The following ST6GALNAC3 variants were observed in gnomAD, a reference collection of about 807,000 sequenced individuals.
ST6GALNAC3 encodes the protein alpha-N-acetylgalactosaminide alpha-2,6-sialyltransferase 3.
ST6GALNAC3 carries 25 observed loss-of-function variants against 32.7 expected under a neutral mutation model. That is an observed-to-expected ratio of 0.76 (90% confidence interval 0.56 to 1.07). ST6GALNAC3 has a LOEUF of 1.07. Among genes scored for constraint, ST6GALNAC3 ranks in the 50% least tolerant of loss-of-function variants. ST6GALNAC3 has a pLI of 0.00. For synonymous variants in ST6GALNAC3, 129 were observed against 133.1 expected, an observed-to-expected ratio of 0.97 and a Z score of 0.21; for missense variants, 355 against 382.4, an observed-to-expected ratio of 0.93 and a Z score of 0.60.
intron 1 of ST6GALNAC3, among the ~76,000 whole-genome samples, chr1:76,138,644 T>C (rs1260127797): frequency 6.6e-6 from 1 of 152,238 alleles, no homozygotes; most frequent in East Asian, 1.9e-4. Context: ...AGTATTTGTA[T>C]ACTTTTTCTC....
At chr1:76,347,471 C>T (rs1648614844) in intron 2 of ST6GALNAC3, among the ~76,000 whole-genome samples, 1 of 151,556 alleles carries the variant, frequency 6.6e-6, no homozygotes, top group Non-Finnish European at 1.5e-5. Flanking sequence ...TTGATACATC[C>T]CCCTATGTAT....
intron 1 of ST6GALNAC3, among the ~76,000 whole-genome samples, chr1:76,235,355 C>A (rs3011991): frequency 0.38 from 57,845 of 151,438 alleles, 13,133 homozygotes; most frequent in African/African-American, 0.64. Context: ...AAAATTAAAA[C>A]TATTAGCCAC....
chr1:76,489,370 A>G (rs1164055148), intron 3 of ST6GALNAC3, among the ~76,000 whole-genome samples: 1 of 152,080 alleles, frequency 6.6e-6, no homozygotes, highest in Non-Finnish European at 1.5e-5. Flanking sequence ...GCACTAGGGT[A>G]TATTATTATG....
At chr1:76,566,504 C>T (rs2100462560) in intron 3 of ST6GALNAC3, among the ~76,000 whole-genome samples, 1 of 152,248 alleles carries the variant, frequency 6.6e-6, no homozygotes, top group South Asian at 2.1e-4. Flanking sequence ...TCTGCTCCAA[C>T]CACACTGCCT....
At chr1:76,161,322 C>G (rs1480245279) in intron 1 of ST6GALNAC3, among the ~76,000 whole-genome samples, 2 of 152,240 alleles carry the variant, frequency 1.3e-5, no homozygotes, top group African/African-American at 4.8e-5. Context: ...AGTGTCTGGA[C>G]TAACAGACTT....
intron 2 of ST6GALNAC3, among the ~76,000 whole-genome samples, chr1:76,314,961 G>T (rs941763254): frequency 1.3e-5 from 2 of 152,066 alleles, no homozygotes; most frequent in African/African-American, 4.8e-5. Flanking sequence ...AGGATGCTAA[G>T]CTTGGTCTAC....
At chr1:76,329,704 T>C (rs1348317591) in intron 2 of ST6GALNAC3, among the ~76,000 whole-genome samples, 5 of 152,206 alleles carry the variant, frequency 3.3e-5, no homozygotes, top group African/African-American at 9.6e-5. Flanking sequence ...GATCATTCTT[T>C]AGGTTTTACA....
At chr1:76,585,080 A>G (rs1348970282) in intron 3 of ST6GALNAC3, among the ~76,000 whole-genome samples, 2 of 152,172 alleles carry the variant, frequency 1.3e-5, no homozygotes, top group African/African-American at 4.8e-5. Flanking sequence ...ACCTAAGCTG[A>G]CTAAAAAATT....
chr1:76,575,199 A>T (rs1197864073), intron 3 of ST6GALNAC3, among the ~76,000 whole-genome samples: 1 of 152,120 alleles, frequency 6.6e-6, no homozygotes, highest in East Asian at 1.9e-4. Flanking sequence ...CAATGAAAAG[A>T]TAATCATTCT....
intron 2 of ST6GALNAC3, among the ~76,000 whole-genome samples, chr1:76,380,218 T>C (rs188026089): frequency 6.6e-6 from 1 of 152,144 alleles, no homozygotes; most frequent in Admixed American, 6.5e-5. Context: ...AGTAAAAGGG[T>C]ACTTAACCTC....
At chr1:76,234,441 A>G (rs1444302908) in intron 1 of ST6GALNAC3, among the ~76,000 whole-genome samples, 3 of 152,228 alleles carry the variant, frequency 2.0e-5, no homozygotes, top group Admixed American at 6.5e-5. Flanking sequence ...GTGGGACTTC[A>G]GGATCTCTCA....
intron 3 of ST6GALNAC3, among the ~76,000 whole-genome samples, chr1:76,508,421 G>C (rs1447408875): frequency 6.6e-6 from 1 of 152,070 alleles, no homozygotes. Context: ...AGAGGAATTT[G>C]GCCCACTACT....
At chr1:76,158,902 C>A (rs1023127943) in intron 1 of ST6GALNAC3, among the ~76,000 whole-genome samples, 31 of 152,284 alleles carry the variant, frequency 2.0e-4, no homozygotes, top group Middle Eastern at 3.4e-3. Context: ...AATGGCCATG[C>A]TTTGGGGTTT....
intron 3 of ST6GALNAC3, among the ~76,000 whole-genome samples, chr1:76,582,465 A>G (rs534127721): frequency 6.6e-6 from 1 of 152,258 alleles, no homozygotes; most frequent in East Asian, 1.9e-4. Context: ...AATTAATTAA[A>G]GCAATTACAA....
intron 3 of ST6GALNAC3, among the ~76,000 whole-genome samples, chr1:76,620,418 G>A (rs189432647): frequency 1.3e-5 from 2 of 152,124 alleles, no homozygotes; most frequent in East Asian, 3.9e-4. Context: ...GTCTGCCCTG[G>A]CCATCGTATG....
Position 76,341,328 on chromosome 1 carries a change from G to T in ST6GALNAC3, c.213+27329G>T, listed in dbSNP as rs149619156. On this transcript the variant is annotated intron_variant, in intron 2 of 4. Transcript: ENST00000328299. ...CAGTATTTAGTTTTCCATTTCTGTA[G>T]TAATTCACTTAGGATAATGGCCTCT... Among the ~76,000 whole-genome samples the T allele has an allele frequency of 6.0e-3, 915 of 151,990 alleles. 3 individuals carry two copies. Among genetic ancestry groups the T allele is most frequent in the African/African-American group, 0.021 (869 of 41,458 alleles).
chr1:76,609,426 T>G (rs989861974), intron 3 of ST6GALNAC3, among the ~76,000 whole-genome samples: 6 of 152,208 alleles, frequency 3.9e-5, no homozygotes, highest in Non-Finnish European at 8.8e-5. Context: ...ATCCCTTTAG[T>G]CATAGATTTA....
At chr1:76,318,369 TC>T (rs1425031500) in intron 2 of ST6GALNAC3, among the ~76,000 whole-genome samples, 1 of 152,106 alleles carries the variant, frequency 6.6e-6, no homozygotes, top group African/African-American at 2.4e-5. Flanking sequence ...AAGGTTCTTT[TC>T]TATGGGGGAG....
chr1:76,431,156 G>A (rs1655725355), intron 3 of ST6GALNAC3, among the ~76,000 whole-genome samples: 1 of 152,036 alleles, frequency 6.6e-6, no homozygotes, highest in Admixed American at 6.6e-5. Flanking sequence ...CTTTCCTTAG[G>A]GCTGCTAAGA....
Sources: allele counts gnomAD v4.1 joint callset (sites outside exome capture counted in the v4.1 genomes callset), GRCh38; gene constraint gnomAD v4.1.1; transcripts MANE v1.5; gene names NCBI Gene and HGNC (gene_info 2026-07-23, HGNC 2026-07-21).